The following ERP44 variants were observed in gnomAD, a reference collection of about 807,000 sequenced individuals.
ERP44 encodes endoplasmic reticulum protein 44, also known as endoplasmic reticulum resident protein 44.
A neutral mutation model predicts 53.4 loss-of-function variants in ERP44; 25 were observed. The ratio of observed to expected loss-of-function variants is 0.47; its 90% confidence interval spans 0.34 to 0.65. The LOEUF (loss-of-function observed/expected upper bound fraction) is 0.65. Ranked by LOEUF, ERP44 falls within the 30% of genes least tolerant of loss-of-function variation. The pLI, the probability that ERP44 is intolerant of heterozygous loss-of-function variation, is 0.01. For missense variants in ERP44, 338 were observed against 493.2 expected, an observed-to-expected ratio of 0.69 and a Z score of 2.98; for synonymous variants, 145 against 161.2, an observed-to-expected ratio of 0.90 and a Z score of 0.76.
At chr9:100,093,687 G>A (rs1826590471) in intron 1 of ERP44, among the ~76,000 whole-genome samples, 1 of 152,072 alleles carries the variant, frequency 6.6e-6, no homozygotes. Flanking sequence ...TGTCTATATA[G>A]TCTAGAAATA....
intron 4 of ERP44, among the ~76,000 whole-genome samples, chr9:100,042,394 A>G (rs1185797796): frequency 6.6e-6 from 1 of 152,228 alleles, no homozygotes; most frequent in East Asian, 1.9e-4. Context: ...GCTTTCATTC[A>G]AAAGACAGGC....
chr9:99,983,566 A>AAG (rs1288148840), intron 11 of ERP44, among the ~76,000 whole-genome samples: 1 of 151,462 alleles, frequency 6.6e-6, no homozygotes, highest in African/African-American at 2.4e-5. Context: ...AAAAAAAAAA[A>AAG]AAAAAAAAAG....
At chr9:100,023,526 G>A (rs983649959) in intron 4 of ERP44, among the ~76,000 whole-genome samples, 3 of 150,570 alleles carry the variant, frequency 2.0e-5, no homozygotes, top group South Asian at 2.1e-4. Context: ...CTTCCTAGAC[G>A]TAAGCAATTC....
At chr9:100,076,835 C>T (rs763133470) in intron 1 of ERP44, among the ~76,000 whole-genome samples, 1 of 152,196 alleles carries the variant, frequency 6.6e-6, no homozygotes, top group South Asian at 2.1e-4. Flanking sequence ...CTGTGGACAC[C>T]ACTAAGCCTC....
chr9:99,987,291 A>T (rs1032102796), intron 10 of ERP44, among the ~76,000 whole-genome samples: 3 of 152,202 alleles, frequency 2.0e-5, no homozygotes, highest in Non-Finnish European at 4.4e-5. Context: ...TTGTCAAGAA[A>T]ATAGACTACG....
At position 100,020,730 on chromosome 9, in the gene ERP44, C is replaced by T. The variant is rs373797701; in HGVS notation, c.473G>A (p.Arg158His). 88 of 1,524,406 alleles carry T rather than the reference C, an allele frequency of 5.8e-5. No homozygotes were observed. The highest frequency in any genetic ancestry group is 1.7e-4 in the Middle Eastern group (1 of 5,896). 94.4% of individuals were successfully genotyped at this position (1,524,406 alleles called of 1,614,324 possible). Residue 158 changes from arginine to histidine, a missense_variant and splice_region_variant, in exon 6 of 12, where the codon CGC becomes CAC. Physicochemically the swap from Arg to His is conservative, Grantham distance 29. Around this residue, in one of 3 missense-constraint regions of ERP44, gnomAD observed 224 missense variants for 301.4 expected, o/e 0.74. Coordinates refer to ENST00000262455, the MANE Select transcript of ERP44 (RefSeq NM_015051.3). ...ATATCCAATGATATTTCTTTTGCTG[C>T]GCTGTAAAATAAAGTATGCAATTAT... ...RDLAEITTLD[R>H]SKRNIIGYFE...
chr9:100,010,201 A>C (rs575457996), intron 8 of ERP44, among the ~76,000 whole-genome samples: 1 of 152,346 alleles, frequency 6.6e-6, no homozygotes, highest in Admixed American at 6.5e-5. Context: ...CAAGTTTACT[A>C]TGTCCATACA....
intron 1 of ERP44, among the ~76,000 whole-genome samples, chr9:100,075,487 C>T (rs1826346039): frequency 6.6e-6 from 1 of 152,226 alleles, no homozygotes; most frequent in African/African-American, 2.4e-5. Flanking sequence ...TTGCTTTTCA[C>T]TTCCACAAGA....
chr9:99,993,588 G>C (rs1399251354), intron 10 of ERP44, among the ~76,000 whole-genome samples: 1 of 152,190 alleles, frequency 6.6e-6, no homozygotes, highest in African/African-American at 2.4e-5. Context: ...ATACCATTCA[G>C]GACATAGGCA....
chr9:100,010,384 A>C (rs1015725803), intron 8 of ERP44, among the ~76,000 whole-genome samples: 3 of 152,220 alleles, frequency 2.0e-5, no homozygotes, highest in Non-Finnish European at 4.4e-5. Flanking sequence ...TGTGCCAACA[A>C]CCACGGGGAA....
chr9:100,007,257 T>G (rs1830432444), intron 9 of ERP44, among the ~76,000 whole-genome samples: 1 of 152,222 alleles, frequency 6.6e-6, no homozygotes, highest in Non-Finnish European at 1.5e-5. Context: ...GCAACATCTC[T>G]GGGAATGTCC....
At position 100,061,577 on chromosome 9, in the gene ERP44, G is replaced by T. The variant is rs915529247; in HGVS notation, c.58-1405C>A. Reference sequence around the variant, plus strand: ...ATTTATAGAAACGTATATATTTATAGAAACGTATATATTTATAGAAATATA... The same window carrying T: ...ATTTATAGAAACGTATATATTTATATAAACGTATATATTTATAGAAATATA... On this transcript the variant is annotated intron_variant, in intron 1 of 11. Transcript: ENST00000262455. Among the ~76,000 whole-genome samples the T allele has an allele frequency of 2.1e-5, 3 of 146,216 alleles. No individual in the cohort carries two copies. In the South Asian group the frequency reaches 6.3e-4, roughly 31 times the overall value.
chr9:100,042,894 T>C (rs905740402), intron 4 of ERP44, among the ~76,000 whole-genome samples: 3 of 151,650 alleles, frequency 2.0e-5, no homozygotes, highest in South Asian at 2.1e-4. Context: ...CATAGAAGGA[T>C]GGTTACCAAA....
intron 1 of ERP44, among the ~76,000 whole-genome samples, chr9:100,086,458 A>G (rs1826484111): frequency 6.6e-6 from 1 of 152,212 alleles, no homozygotes. Flanking sequence ...GGTCAGCACA[A>G]GCACTATCCT....
At chr9:99,984,926 GAA>G (rs745772907) in intron 11 of ERP44, 39 bp downstream of exon 11, 2 of 1,321,612 alleles carry the variant, frequency 1.5e-6, no homozygotes, top group Non-Finnish European at 2.2e-6. Flanking sequence ...CTGAAAAAGG[GAA>G]AAAAAGAGTT....
At chr9:99,997,814 G>C (rs1311040303) in intron 10 of ERP44, among the ~76,000 whole-genome samples, 1 of 151,996 alleles carries the variant, frequency 6.6e-6, no homozygotes, top group African/African-American at 2.4e-5. Context: ...ACACTTTGCA[G>C]GCATGGCTGA....
intron 10 of ERP44, among the ~76,000 whole-genome samples, chr9:99,987,475 A>G (rs1830207149): frequency 6.6e-6 from 1 of 152,258 alleles, no homozygotes; most frequent in Non-Finnish European, 1.5e-5. Context: ...AAATTTTGAC[A>G]TAGTGAAATG....
At chr9:100,019,701 G>A (rs1830565273) in intron 6 of ERP44, among the ~76,000 whole-genome samples, 1 of 151,952 alleles carries the variant, frequency 6.6e-6, no homozygotes. Context: ...ATTCAGACAG[G>A]TAGGGAGCAA....
chr9:100,051,064 G>T (rs1010055892), intron 4 of ERP44, among the ~76,000 whole-genome samples: 2 of 152,204 alleles, frequency 1.3e-5, no homozygotes, highest in African/African-American at 4.8e-5. Flanking sequence ...CTGGGAAGCA[G>T]TGTGAAAATG....
Sources: gnomAD v4.1 joint callset for allele counts (sites outside exome capture counted in the v4.1 genomes callset) on GRCh38, gnomAD v4.1.1 for gene constraint, gnomAD v4.1.1 regional missense constraint, MANE v1.5 for transcripts, NCBI Gene and HGNC (gene_info 2026-07-23, HGNC 2026-07-21) for gene names.